IMMP2L: variants seen among roughly 807,000 people sequenced by gnomAD.
IMMP2L encodes mitochondrial inner membrane protease subunit 2.
A neutral mutation model predicts 19.3 loss-of-function variants in IMMP2L; 18 were observed. The ratio of observed to expected loss-of-function variants is 0.93; its 90% CI spans 0.64 to 1.38. The LOEUF is 1.38. Ranked by LOEUF, IMMP2L falls within the 40% of genes most tolerant of loss-of-function variation. The pLI is 0.00. For synonymous variants in IMMP2L, 76 were observed against 73.0 expected (o/e 1.04, Z -0.21); for missense variants, 233 against 218.2 (o/e 1.07, Z -0.43).
chr7:111,155,437 A>AG (rs1211592385), intron 3 of IMMP2L, among the ~76,000 whole-genome samples: 5 of 152,110 alleles, frequency 3.3e-5, no homozygotes, highest in Non-Finnish European at 5.9e-5. Flanking sequence ...TTCTCTGGGT[A>AG]GGCATTTTCC....
At chr7:111,330,280 T>A (rs1825745919) in intron 3 of IMMP2L, among the ~76,000 whole-genome samples, 2 of 149,204 alleles carry the variant, frequency 1.3e-5, no homozygotes, top group Non-Finnish European at 3.0e-5. Context: ...TAGTAGAAAA[T>A]CAACTAAATG....
At chr7:111,108,739 A>C (rs763832249) in intron 3 of IMMP2L, among the ~76,000 whole-genome samples, 1 of 152,178 alleles carries the variant, frequency 6.6e-6, no homozygotes, top group Non-Finnish European at 1.5e-5. Context: ...TCATCACTCA[A>C]TAGTTCATGC....
chr7:111,192,649 G>C (rs566782265), intron 3 of IMMP2L, among the ~76,000 whole-genome samples: 1 of 152,034 alleles, frequency 6.6e-6, no homozygotes, highest in Admixed American at 6.6e-5. Flanking sequence ...CATCCAGATG[G>C]AGCCAAGAGA....
rs142120488 is a variant in IMMP2L, at chr7:111,414,086, T to C, written c.239+73152A>G. 2.2e-3 allele frequency among the ~76,000 whole-genome samples: 329 copies of C among 151,810 alleles called. 13 individuals are homozygous for C. The highest frequency in any genetic ancestry group is 7.5e-3 in the African/African-American group (308 of 41,156). On this transcript the variant is annotated intron_variant, in intron 3 of 5. Transcript: ENST00000405709. ...TTCAAAAACACCCCCATGAGAATCT[T>C]TGCAGTGAACTTGACCCCCTCCTCA...
At chr7:111,082,979 G>A (rs989582780) in intron 3 of IMMP2L, among the ~76,000 whole-genome samples, 3 of 151,766 alleles carry the variant, frequency 2.0e-5, no homozygotes, top group Non-Finnish European at 4.4e-5. Flanking sequence ...CTACTACTCT[G>A]ATTTTCCAGT....
intron 5 of IMMP2L, among the ~76,000 whole-genome samples, chr7:110,746,332 C>T (rs1375987650): frequency 6.6e-6 from 1 of 152,108 alleles, no homozygotes; most frequent in Non-Finnish European, 1.5e-5. Flanking sequence ...CCACTGTCAA[C>T]ATTAGACAGA....
intron 3 of IMMP2L, among the ~76,000 whole-genome samples, chr7:111,445,010 G>A (rs1388268612): frequency 6.6e-6 from 1 of 152,020 alleles, no homozygotes; most frequent in African/African-American, 2.4e-5. Context: ...AGCCTTAGAA[G>A]ATTTTTCTAA....
At chr7:111,359,373 C>T (rs1406965261) in intron 3 of IMMP2L, among the ~76,000 whole-genome samples, 2 of 152,076 alleles carry the variant, frequency 1.3e-5, no homozygotes, top group Non-Finnish European at 2.9e-5. Context: ...ATAATCTCAG[C>T]TCACTGCAAC....
intron 3 of IMMP2L, among the ~76,000 whole-genome samples, chr7:111,301,034 T>A (rs1179329427): frequency 6.6e-6 from 1 of 152,040 alleles, no homozygotes; most frequent in Non-Finnish European, 1.5e-5. Context: ...TTTTCCAGAG[T>A]GGCTGTACAA....
intron 3 of IMMP2L, among the ~76,000 whole-genome samples, chr7:111,242,866 C>T (rs1238651445): frequency 6.6e-6 from 1 of 152,066 alleles, no homozygotes; most frequent in East Asian, 1.9e-4. Flanking sequence ...CTCCGACATA[C>T]TATTTTCTTT....
rs1203774981 is a variant in IMMP2L, at chr7:111,426,812, T to A, written c.239+60426A>T. ...CTATCTCACATGCTTAACGTGAAGGTTATATGAGATTTTTTTAAATAATGA... is the reference window on the plus strand; with the variant it reads ...CTATCTCACATGCTTAACGTGAAGGATATATGAGATTTTTTTAAATAATGA... On this transcript the variant is annotated intron_variant, in intron 3 of 5. Coordinates refer to ENST00000405709, the MANE Select transcript of IMMP2L (RefSeq NM_032549.4). Among the ~76,000 whole-genome samples the A allele has an allele frequency of 6.6e-5, 10 of 151,140 alleles. No homozygotes were observed. The Admixed American group carries it at 6.6e-4, about 10-fold the overall frequency.
In IMMP2L at chr7:111,333,271, T is replaced by C. The variant is rs372621523; in HGVS notation, c.239+153967A>G. ...AAGAACATGTTTGTGCATGTATATATTTGTACAAGAAAATATCTTCATTTT... is the reference window on the plus strand; with the variant it reads ...AAGAACATGTTTGTGCATGTATATACTTGTACAAGAAAATATCTTCATTTT... On this transcript the variant is annotated intron_variant, in intron 3 of 5. Transcript: ENST00000405709. 1.8e-3 allele frequency among the ~76,000 whole-genome samples: 268 copies of C among 152,244 alleles called. 1 individual carries two copies. Among genetic ancestry groups the C allele is most frequent in the African/African-American group, 6.3e-3 (263 of 41,548 alleles).
At chr7:110,701,471 A>T (rs1794284226) in intron 5 of IMMP2L, among the ~76,000 whole-genome samples, 1 of 151,898 alleles carries the variant, frequency 6.6e-6, no homozygotes, top group South Asian at 2.1e-4. Context: ...CCCAGGCTGG[A>T]GTACAATGAC....
intron 3 of IMMP2L, among the ~76,000 whole-genome samples, chr7:110,979,820 T>C (rs1348867178): frequency 1.3e-5 from 2 of 151,944 alleles, no homozygotes; most frequent in East Asian, 1.9e-4. Context: ...GGGTACAGAG[T>C]TTCTTTTTGG....
chr7:111,447,487 C>T (rs1485262033), intron 3 of IMMP2L, among the ~76,000 whole-genome samples: 7 of 147,706 alleles, frequency 4.7e-5, no homozygotes, highest in Non-Finnish European at 9.0e-5. Flanking sequence ...AAATAAAATA[C>T]TTTACAGACA....
At chr7:110,792,667 T>TTTTC (rs1800543781) in intron 5 of IMMP2L, among the ~76,000 whole-genome samples, 1 of 152,066 alleles carries the variant, frequency 6.6e-6, no homozygotes, top group Non-Finnish European at 1.5e-5. Context: ...TCCATGAACC[T>TTTTC]TTTCTGACAC....
chr7:110,875,670 T>C (rs1455492887), intron 5 of IMMP2L, among the ~76,000 whole-genome samples: 1 of 152,136 alleles, frequency 6.6e-6, no homozygotes, highest in African/African-American at 2.4e-5. Flanking sequence ...CAGTGGGGAA[T>C]AGGCAGAAGC....
chr7:111,290,784 C>T (rs1486719866), intron 3 of IMMP2L, among the ~76,000 whole-genome samples: 1 of 150,846 alleles, frequency 6.6e-6, no homozygotes, highest in Non-Finnish European at 1.5e-5. Context: ...ATTTAATACT[C>T]TGTCTCTCTT....
chr7:110,942,544 T>C (rs10464637), intron 4 of IMMP2L, among the ~76,000 whole-genome samples: 71,390 of 151,614 alleles, frequency 0.47, 18,261 homozygotes, highest in Non-Finnish European at 0.58. Flanking sequence ...TTTCTCAAAA[T>C]ATGATCCTTC....
Sources: allele counts gnomAD v4.1 joint callset (sites outside exome capture counted in the v4.1 genomes callset), GRCh38; gene constraint gnomAD v4.1.1; transcripts MANE v1.5; gene names NCBI Gene and HGNC (gene_info 2026-07-23, HGNC 2026-07-21).